Variants in ANKRD17 observed in about 807,000 individuals in gnomAD.
ANKRD17 encodes the protein ankyrin repeat domain 17.
A neutral mutation model predicts 229.7 loss-of-function variants in ANKRD17; 19 were observed. That is an observed-to-expected ratio of 0.08 (90% CI 0.06 to 0.12). The LOEUF is 0.12. ANKRD17 is among the 10% of genes least tolerant of loss of function. The pLI is 1.00. For missense variants in ANKRD17, 2,176 were observed against 3,176.8 expected (o/e 0.68, Z 7.57); for synonymous variants, 1,112 against 1,146.1 (o/e 0.97, Z 0.60).
At chr4:73,216,968 C>T (rs1430236128) in intron 1 of ANKRD17, among the ~76,000 whole-genome samples, 8 of 152,220 alleles carry the variant, frequency 5.3e-5, no homozygotes, top group Non-Finnish European at 1.2e-4. Flanking sequence ...GTTAACAAGA[C>T]TGTGCTGCTC....
intron 2 of ANKRD17, among the ~76,000 whole-genome samples, chr4:73,171,783 T>C (rs376915908): frequency 3.3e-5 from 5 of 152,252 alleles, no homozygotes; most frequent in African/African-American, 1.2e-4. Flanking sequence ...CAGTGAAGAA[T>C]GCATCAGAGT....
rs1184194294 is a variant in ANKRD17 at position 73,073,668 on chromosome 4, C to A, written c.*2563G>T. On this transcript the variant is annotated 3_prime_UTR_variant, in exon 34 of 34. Transcript: ENST00000358602. ...TCATGTATCAATAAAAATGACTTGA[C>A]TTTTCAGTAATGGGAAATAGGAGGG... 6.6e-6 allele frequency: 1 copy of A among 151,940 alleles called. No homozygotes were observed. The highest frequency in any genetic ancestry group is 2.4e-5 in the African/African-American group (1 of 41,406). The allele number at this position is 151,940 out of a possible 1,614,324, so 9.4% of individuals were successfully genotyped here. A position where few individuals can be genotyped will look rare whatever the true frequency, so the allele number is the denominator to read the frequency against.
At chr4:73,238,058 T>C (rs997383300) in intron 1 of ANKRD17, among the ~76,000 whole-genome samples, 1 of 151,068 alleles carries the variant, frequency 6.6e-6, no homozygotes, top group South Asian at 2.1e-4. Flanking sequence ...TTTAATAGAA[T>C]TAGAAATTTA....
At chr4:73,234,645 C>A (rs1743345440) in intron 1 of ANKRD17, among the ~76,000 whole-genome samples, 1 of 152,202 alleles carries the variant, frequency 6.6e-6, no homozygotes, top group South Asian at 2.1e-4. Flanking sequence ...GATAGGAAGT[C>A]AAGTTGGCTG....
intron 15 of ANKRD17, among the ~76,000 whole-genome samples, chr4:73,137,916 C>A (rs979201304): frequency 6.6e-6 from 1 of 152,084 alleles, no homozygotes; most frequent in African/African-American, 2.4e-5. Flanking sequence ...GTACAACTAG[C>A]AAATCATTGT....
At chr4:73,089,636 A>T (rs1722568970) in intron 29 of ANKRD17, among the ~76,000 whole-genome samples, 1 of 152,190 alleles carries the variant, frequency 6.6e-6, no homozygotes, top group South Asian at 2.1e-4. Flanking sequence ...ATGGTTATGT[A>T]AGATGGTCAC....
intron 15 of ANKRD17, among the ~76,000 whole-genome samples, chr4:73,135,878 G>A (rs1429796866): frequency 6.6e-6 from 1 of 152,096 alleles, no homozygotes; most frequent in Non-Finnish European, 1.5e-5. Context: ...CTCATGTGAA[G>A]AATTATTCTG....
At chr4:73,229,815 T>C (rs1391613619) in intron 1 of ANKRD17, among the ~76,000 whole-genome samples, 2 of 152,132 alleles carry the variant, frequency 1.3e-5, no homozygotes, top group Non-Finnish European at 2.9e-5. Flanking sequence ...GAATTTAGTA[T>C]TTTAAAGACC....
intron 1 of ANKRD17, among the ~76,000 whole-genome samples, chr4:73,189,410 T>TG (rs1479629004): frequency 7.1e-6 from 1 of 141,574 alleles, no homozygotes; most frequent in African/African-American, 2.6e-5. Context: ...AATGTTTTTT[T>TG]TTTTTTTTTT....
chr4:73,132,109 GTT>G lies in ANKRD17; in HGVS notation c.3234+3006_3234+3007del, dbSNP rs767522435. ...TACCTGCTTGATATAAAAACTAGTT[GTT>G]TTTTTTTTTTTTGAGACAGAGTTTC... On this transcript the variant is annotated intron_variant, in intron 16 of 33. Coordinates refer to ENST00000358602, the MANE Select transcript of ANKRD17 (RefSeq NM_032217.5). Among the ~76,000 whole-genome samples the G allele has an allele frequency of 2.8e-4, 39 of 140,142 alleles. No individual in the cohort carries two copies. In the East Asian group the frequency reaches 6.8e-3, roughly 25 times the overall value. The allele number at this position is 140,142 out of a possible 152,430, so 91.9% of individuals were successfully genotyped here.
intron 4 of ANKRD17, 107 bp downstream of exon 4, chr4:73,155,908 CTATT>C: frequency 6.8e-7 from 1 of 1,478,992 alleles, no homozygotes; most frequent in East Asian, 2.3e-5. Flanking sequence ...TCTAACAAAA[CTATT>C]TGTTGAAATA....
At chr4:73,208,911 A>G (rs910633775) in intron 1 of ANKRD17, among the ~76,000 whole-genome samples, 1 of 152,122 alleles carries the variant, frequency 6.6e-6, no homozygotes, top group Non-Finnish European at 1.5e-5. Context: ...AATCAATTAA[A>G]CAAAAAATGA....
rs2306058 is a variant in ANKRD17, at chr4:73,076,961, C to T, written c.7731G>A (p.Thr2577=). Residue 2577 remains threonine, a synonymous_variant, in exon 33 of 34, where the codon ACG becomes ACA. Coordinates refer to ENST00000358602, the MANE Select transcript of ANKRD17 (RefSeq NM_032217.5). ...NSLIKMVSSS[T]ENNGPQTVWT... Reference sequence around the variant, plus strand: ...TCACCGTTTGAGGGCCATTATTTTCCGTGGAGCTGGAAACCATCTTTATCA... The same window carrying T: ...TCACCGTTTGAGGGCCATTATTTTCTGTGGAGCTGGAAACCATCTTTATCA... The T allele has an allele frequency of 0.16, 262,731 of 1,610,202 alleles. 23,467 individuals carry two copies. Among genetic ancestry groups the T allele is most frequent in the East Asian group, 0.29 (12,768 of 44,754 alleles).
chr4:73,076,969 T>G lies in ANKRD17; in HGVS notation c.7723A>C (p.Ser2575Arg), dbSNP rs770512364. ...SWNSLIKMVS[S>R]STENNGPQTV... ...TGAGGGCCATTATTTTCCGTGGAGC[T>G]GGAAACCATCTTTATCAGTGAGTTC... Residue 2575 changes from serine to arginine, a missense_variant, in exon 33 of 34, where the codon AGC becomes CGC. Ser to Arg is a moderately radical substitution (Grantham distance 110, BLOSUM62 -1). Transcript: ENST00000358602. The G allele has an allele frequency of 1.2e-6, 2 of 1,612,902 alleles. No individual in the cohort carries two copies. The highest frequency in any genetic ancestry group is 2.2e-5 in the South Asian group (2 of 90,706).
intron 16 of ANKRD17, among the ~76,000 whole-genome samples, chr4:73,132,441 A>G (rs1728341773): frequency 6.6e-6 from 1 of 152,086 alleles, no homozygotes; most frequent in South Asian, 2.1e-4. Flanking sequence ...AAACATCAAA[A>G]ATTAAAGGAG....
At chr4:73,136,493 T>C (rs556646427) in intron 15 of ANKRD17, among the ~76,000 whole-genome samples, 7 of 152,144 alleles carry the variant, frequency 4.6e-5, no homozygotes, top group Non-Finnish European at 1.0e-4. Context: ...ACACACATTC[T>C]ATAATTATAC....
chr4:73,257,968 A>AC (rs1446947843), intron 1 of ANKRD17, among the ~76,000 whole-genome samples: 3 of 58,256 alleles, frequency 5.1e-5, no homozygotes, highest in East Asian at 5.7e-4. Flanking sequence ...CCACCCCCCC[A>AC]CCCCCCGGCG....
At chr4:73,175,635 AC>A (rs1734637527) in intron 2 of ANKRD17, among the ~76,000 whole-genome samples, 1 of 152,178 alleles carries the variant, frequency 6.6e-6, no homozygotes, top group Non-Finnish European at 1.5e-5. Context: ...ACAATAGAAA[AC>A]CCAGGAATAA....
At chr4:73,243,676 C>T (rs116760282) in intron 1 of ANKRD17, among the ~76,000 whole-genome samples, 67 of 152,172 alleles carry the variant, frequency 4.4e-4, no homozygotes, top group African/African-American at 1.6e-3. Context: ...CATTAATTAC[C>T]CTCCAATATC....
Sources: gnomAD v4.1 joint callset for allele counts (sites outside exome capture counted in the v4.1 genomes callset) on GRCh38, gnomAD v4.1.1 for gene constraint, MANE v1.5 for transcripts, NCBI Gene and HGNC (gene_info 2026-07-23, HGNC 2026-07-21) for gene names.